The following NFE2L3 variants were observed in gnomAD, a reference collection of about 807,000 sequenced individuals.
NFE2L3 encodes the protein nuclear factor erythroid 2-related factor 3.
NFE2L3 carries 18 observed loss-of-function variants against 23.5 expected under a neutral mutation model. The observed-to-expected ratio is 0.77, with a 90% CI of 0.53 to 1.13. The LOEUF is 1.13. NFE2L3 is among the 50% of genes most tolerant of loss of function. NFE2L3 has a pLI of 0.00. For synonymous variants in NFE2L3, 424 were observed against 354.5 expected (o/e 1.20, Z -2.20); for missense variants, 1,152 against 877.2 (o/e 1.31, Z -3.96).
intron 1 of NFE2L3, among the ~76,000 whole-genome samples, chr7:26,171,359 C>G (rs367747851): frequency 2.2e-4 from 34 of 152,200 alleles, no homozygotes; most frequent in African/African-American, 8.2e-4. Flanking sequence ...ACTTGTTCAA[C>G]ATGGTGAAAC....
At chr7:26,177,822 C>G (rs2128099547) in intron 1 of NFE2L3, 121 bp from the exon 2 acceptor site, 2 of 827,098 alleles carry the variant, frequency 2.4e-6, no homozygotes, top group Middle Eastern at 5.0e-4. Flanking sequence ...TTCTTTGATA[C>G]TGAAATATTG....
At chr7:26,184,201 C>CA in intron 3 of NFE2L3, 1 of 344,126 alleles carries the variant, frequency 2.9e-6, no homozygotes, top group East Asian at 6.3e-5. Context: ...CCTGACCCTC[C>CA]ACAATGTGAT....
At chr7:26,153,634 C>T (rs373703335) in intron 1 of NFE2L3, among the ~76,000 whole-genome samples, 1 of 152,322 alleles carries the variant, frequency 6.6e-6, no homozygotes. Flanking sequence ...CCTAACCATC[C>T]CCTGCACCTA....
intron 1 of NFE2L3, among the ~76,000 whole-genome samples, chr7:26,176,434 A>G (rs1168976613): frequency 1.3e-5 from 2 of 152,138 alleles, no homozygotes; most frequent in African/African-American, 4.8e-5. Context: ...AAGATTGCAC[A>G]GCAGCCAGGC....
chr7:26,185,766 A>C lies in NFE2L3; in HGVS notation c.2068A>C (p.Lys690Gln). 1 of 1,582,062 alleles carries C rather than the reference A, an allele frequency of 6.3e-7. No individual in the cohort carries two copies. ...VASGHKKETQ[K>Q]GKRK is the part of the protein sequence containing the mutation. The stretch of plus-strand genomic sequence containing the variant: ...CTCAGGCCACAAAAAGGAAACCCAA[A>C]AGGGAAAGAGAAAGTGAGAAGAAAC... The change falls in exon 4 of 4, where the codon AAG becomes CAG. Residue 690 changes from lysine to glutamine, a missense_variant. Lys to Gln is a moderately conservative substitution (Grantham distance 53, BLOSUM62 1). Transcript: ENST00000056233.
intron 1 of NFE2L3, among the ~76,000 whole-genome samples, chr7:26,158,766 G>A (rs975077184): frequency 6.6e-6 from 1 of 152,220 alleles, no homozygotes; most frequent in Non-Finnish European, 1.5e-5. Context: ...GAGGCAGGCT[G>A]GTCTAGGGGT....
rs757306743 is a variant in NFE2L3 at position 26,184,715 on chromosome 7, A to C, written c.1017A>C (p.Gln339His). 7 of 1,613,844 alleles carry C rather than the reference A, an allele frequency of 4.3e-6. No individual in the cohort carries two copies. In the South Asian group the frequency reaches 7.7e-5, roughly 18 times the overall value. Residue 339 changes from glutamine (Q) to histidine (H), a missense_variant, in exon 4 of 4, where the codon CAA becomes CAC. Coordinates refer to ENST00000056233, the MANE Select transcript of NFE2L3 (RefSeq NM_004289.7). The stretch of plus-strand genomic sequence containing the variant: ...CAACAGCAAGGACTTCACAGTCACA[A>C]GAACCATTTCTGCAGTTAAATTCTC... ...RDPTARTSQS[Q>H]EPFLQLNSHT... is the part of the protein sequence containing the mutation.
chr7:26,164,350 T>TA (rs1476544460), intron 1 of NFE2L3, among the ~76,000 whole-genome samples: 1 of 152,236 alleles, frequency 6.6e-6, no homozygotes, highest in Non-Finnish European at 1.5e-5. Context: ...ATCGCCATTC[T>TA]AACTGGTGTG....
intron 1 of NFE2L3, among the ~76,000 whole-genome samples, chr7:26,161,464 CCCACCCATCTA>C (rs1784172563): frequency 6.6e-6 from 1 of 151,072 alleles, no homozygotes; most frequent in South Asian, 2.1e-4. Flanking sequence ...GATTGCCAGG[CCCACCCATCTA>C]CCACCAGGCT....
At chr7:26,182,296 C>CTCATCATTAAG (rs1270448170) in intron 2 of NFE2L3, among the ~76,000 whole-genome samples, 1 of 150,502 alleles carries the variant, frequency 6.6e-6, no homozygotes, top group African/African-American at 2.5e-5. Context: ...TATATTTTTA[C>CTCATCATTAAG]CAGTTAACTC....
chr7:26,152,567 G>A lies in NFE2L3; in HGVS notation c.69G>A (p.Leu23=), dbSNP rs367865062. ...TGCACCTCACCCTCCTGCTGAGCTT[G>A]GCGGGGCTCCGCGTAGACCTAGATC... ...GLLHLTLLLS[L]AGLRVDLDLY... The change falls in exon 1 of 4, where the codon TTG becomes TTA. Residue 23 remains leucine, a synonymous_variant. Coordinates refer to ENST00000056233, the MANE Select transcript of NFE2L3 (RefSeq NM_004289.7). This position sits in a 1 kb window ranked among gnomAD's most constrained non-coding sequence, Gnocchi z 4.4. The A allele has an allele frequency of 6.8e-5, 104 of 1,531,006 alleles. No homozygotes were observed. Among genetic ancestry groups the A allele is most frequent in the Non-Finnish European group, 7.9e-5 (91 of 1,148,258 alleles). The allele number at this position is 1,531,006 out of a possible 1,614,324, so 94.8% of individuals were successfully genotyped here.
intron 1 of NFE2L3, among the ~76,000 whole-genome samples, chr7:26,163,415 C>A (rs2128098024): frequency 1.3e-5 from 2 of 152,266 alleles, no homozygotes; most frequent in South Asian, 4.1e-4. Context: ...GGCGCGATCT[C>A]AGCTCACTGC....
Position 26,184,411 on chromosome 7 carries a change from A to T in NFE2L3, c.835-122A>T, listed in dbSNP as rs916308833. On this transcript the variant is annotated intron_variant, in intron 3 of 3. Coordinates refer to ENST00000056233, the MANE Select transcript of NFE2L3 (RefSeq NM_004289.7). ...ATTTAACTAGGAAGTTACTGCCAAC[A>T]GCATCTATCTCTATTAAATGTAGAG... 1.1e-5 allele frequency: 9 copies of T among 851,746 alleles called. No individual in the cohort carries two copies. The African/African-American group carries it at 1.5e-4, about 14-fold the overall frequency. 52.8% of individuals were successfully genotyped at this position (851,746 alleles called of 1,614,324 possible). A position where few individuals can be genotyped will look rare whatever the true frequency, so the allele number is the denominator to read the frequency against.
chr7:26,158,173 C>T (rs1380593992), intron 1 of NFE2L3, among the ~76,000 whole-genome samples: 3 of 152,096 alleles, frequency 2.0e-5, no homozygotes, highest in Non-Finnish European at 4.4e-5. Flanking sequence ...CTCAGCCTCC[C>T]AAGTAGCTGA....
At chr7:26,182,877 T>C (rs1013626811) in intron 2 of NFE2L3, among the ~76,000 whole-genome samples, 3 of 152,192 alleles carry the variant, frequency 2.0e-5, no homozygotes, top group Non-Finnish European at 2.9e-5. Context: ...CACTGCAGCC[T>C]CAACCTCCTG....
chr7:26,161,792 A>C (rs1440440002), intron 1 of NFE2L3, among the ~76,000 whole-genome samples: 1 of 152,084 alleles, frequency 6.6e-6, no homozygotes, highest in Non-Finnish European at 1.5e-5. Context: ...GGGAATGGGG[A>C]TCTAGCATGC....
In NFE2L3 at chr7:26,175,703, C is replaced by T. The variant is rs552938202; in HGVS notation, c.571-2240C>T. Among the ~76,000 whole-genome samples the T allele has an allele frequency of 2.3e-4, 34 of 148,290 alleles. No homozygotes were observed. In the South Asian group the frequency reaches 6.4e-3, roughly 28 times the overall value. On this transcript the variant is annotated intron_variant, in intron 1 of 3. Transcript: ENST00000056233. ...CTGAGGCAGGAGAATGGCGTGAACCCGGGAGGCCGAGCTTGTAGTGAGCCA... is the reference window on the plus strand; with the variant it reads ...CTGAGGCAGGAGAATGGCGTGAACCTGGGAGGCCGAGCTTGTAGTGAGCCA...
intron 1 of NFE2L3, among the ~76,000 whole-genome samples, chr7:26,163,687 A>G (rs1400750493): frequency 6.6e-6 from 1 of 152,170 alleles, no homozygotes; most frequent in Admixed American, 6.5e-5. Context: ...TTTAAGTTTT[A>G]GGGTACATGT....
chr7:26,184,721 A>C lies in NFE2L3; in HGVS notation c.1023A>C (p.Pro341=), dbSNP rs1465881490. Residue 341 remains proline (P), a synonymous_variant, in exon 4 of 4, where the codon CCA becomes CCC. Coordinates refer to ENST00000056233, the MANE Select transcript of NFE2L3 (RefSeq NM_004289.7). ...PTARTSQSQE[P]FLQLNSHTTN... ...CAAGGACTTCACAGTCACAAGAACC[A>C]TTTCTGCAGTTAAATTCTCATACCA... 15 of 1,613,852 alleles carry C rather than the reference A, an allele frequency of 9.3e-6. No homozygotes were observed. Among genetic ancestry groups the C allele is most frequent in the Non-Finnish European group, 1.3e-5 (15 of 1,179,830 alleles).
Sources: allele counts gnomAD v4.1 joint callset (sites outside exome capture counted in the v4.1 genomes callset), GRCh38; gene constraint gnomAD v4.1.1; non-coding constraint Gnocchi (gnomAD v3.1); transcripts MANE v1.5; gene names NCBI Gene and HGNC (gene_info 2026-07-23, HGNC 2026-07-21).